The following COL25A1 variants were observed in gnomAD, a reference collection of about 807,000 sequenced individuals.
The protein encoded by COL25A1 is collagen alpha-1(XXV) chain.
A neutral mutation model predicts 128.4 loss-of-function variants in COL25A1; 103 were observed. The observed-to-expected ratio is 0.80, with a 90% CI of 0.68 to 0.94. The LOEUF is 0.94. COL25A1 is among the 40% of genes least tolerant of loss of function. COL25A1 has a pLI of 0.00. For synonymous variants in COL25A1, 279 were observed against 277.2 expected, an observed-to-expected ratio of 1.01 and a Z score of -0.06; for missense variants, 745 against 840.0, an observed-to-expected ratio of 0.89 and a Z score of 1.40.
At chr4:109,284,593 C>T (rs1330744978) in intron 3 of COL25A1, among the ~76,000 whole-genome samples, 2 of 152,102 alleles carry the variant, frequency 1.3e-5, no homozygotes, top group African/African-American at 4.8e-5. Context: ...TACCAGAAAG[C>T]CATGGGGCTC....
chr4:108,904,126 T>C (rs2125870435), intron 13 of COL25A1, among the ~76,000 whole-genome samples: 1 of 152,238 alleles, frequency 6.6e-6, no homozygotes, highest in East Asian at 1.9e-4. Flanking sequence ...TAAACCACTG[T>C]ACAAGTCTGA....
At chr4:109,114,891 A>G (rs1188281152) in intron 3 of COL25A1, among the ~76,000 whole-genome samples, 1 of 152,076 alleles carries the variant, frequency 6.6e-6, no homozygotes, top group Non-Finnish European at 1.5e-5. Flanking sequence ...TATTTAAGGC[A>G]TAAGAAAATT....
chr4:108,997,292 A>G (rs1754875839), intron 6 of COL25A1, among the ~76,000 whole-genome samples: 2 of 152,194 alleles, frequency 1.3e-5, no homozygotes, highest in African/African-American at 4.8e-5. Flanking sequence ...TAAAGGGGAT[A>G]TCACAACTGA....
At chr4:109,029,409 C>T (rs957189088) in intron 5 of COL25A1, among the ~76,000 whole-genome samples, 2 of 152,198 alleles carry the variant, frequency 1.3e-5, no homozygotes, top group African/African-American at 4.8e-5. Flanking sequence ...ACCTCACTTC[C>T]TCTCACCATG....
intron 35 of COL25A1, among the ~76,000 whole-genome samples, chr4:108,822,047 T>TTTTTTTTTTTTTTTTTTTTTTTG: frequency 1.9e-5 from 1 of 51,610 alleles, no homozygotes; most frequent in Non-Finnish European, 4.4e-5. Context: ...ATGGTAATTT[T>TTTTTTTTTTTTTTTTTTTTTTTG]TTTTTTTTTT....
intron 3 of COL25A1, among the ~76,000 whole-genome samples, chr4:109,222,251 C>G (rs568593124): frequency 1.3e-5 from 2 of 151,316 alleles, no homozygotes; most frequent in African/African-American, 4.9e-5. Flanking sequence ...TTTGGTAGAG[C>G]CGGGGTTTCA....
intron 14 of COL25A1, 111 bp downstream of exon 14, chr4:108,901,008 A>T: frequency 1.3e-6 from 1 of 768,902 alleles, no homozygotes; most frequent in Non-Finnish European, 2.2e-6. Context: ...TTCACAAAAT[A>T]CCCATGTAAG....
intron 3 of COL25A1, among the ~76,000 whole-genome samples, chr4:109,140,185 C>T (rs1770258836): frequency 6.6e-6 from 1 of 152,132 alleles, no homozygotes; most frequent in East Asian, 1.9e-4. Flanking sequence ...TGGGTATATA[C>T]CCAGTAATGG....
chr4:108,940,267 GGCT>G (rs1747923758), intron 10 of COL25A1, among the ~76,000 whole-genome samples: 1 of 152,106 alleles, frequency 6.6e-6, no homozygotes, highest in Non-Finnish European at 1.5e-5. Context: ...ACAGTTTAGT[GGCT>G]GCCTCCAGGT....
chr4:109,072,865 T>C (rs1042191332), intron 3 of COL25A1, among the ~76,000 whole-genome samples: 1 of 152,154 alleles, frequency 6.6e-6, no homozygotes, highest in East Asian at 1.9e-4. Flanking sequence ...GGGGCCCACA[T>C]AAAACTTTAT....
At chr4:109,283,561 C>T (rs947902440) in intron 3 of COL25A1, among the ~76,000 whole-genome samples, 1 of 152,148 alleles carries the variant, frequency 6.6e-6, no homozygotes, top group African/African-American at 2.4e-5. Context: ...CATCAGCTAG[C>T]AACGTGTTTT....
intron 3 of COL25A1, among the ~76,000 whole-genome samples, chr4:109,291,662 C>G (rs1330329147): frequency 5.3e-5 from 8 of 151,674 alleles, no homozygotes; most frequent in Non-Finnish European, 5.9e-5. Context: ...TAATAAAGCT[C>G]CATATGAATA....
intron 37 of COL25A1, among the ~76,000 whole-genome samples, chr4:108,814,566 A>G (rs896978698): frequency 4.6e-5 from 7 of 152,040 alleles, no homozygotes; most frequent in Non-Finnish European, 1.0e-4. Flanking sequence ...GTTTCTCACC[A>G]CAGATTTCTG....
intron 3 of COL25A1, among the ~76,000 whole-genome samples, chr4:109,216,000 C>A (rs1159709248): frequency 6.6e-6 from 1 of 152,092 alleles, no homozygotes; most frequent in Non-Finnish European, 1.5e-5. Context: ...ACTGACCATC[C>A]AGTCTGAAAT....
Position 109,301,877 on chromosome 4 carries a change from G to A in COL25A1, c.143C>T (p.Ser48Phe), listed in dbSNP as rs756056629. The A allele has an allele frequency of 2.1e-5, 34 of 1,614,096 alleles. No homozygotes were observed. Among genetic ancestry groups the A allele is most frequent in the Non-Finnish European group, 5.1e-6 (6 of 1,180,058 alleles). ...AALLSVVAVV[S>F]CLYLGVKTND... Reference sequence around the variant, plus strand: ...GGTTTTCACACCCAGGTACAGGCAAGACACCACGGCCACCACTGACAGGAG... The same window carrying A: ...GGTTTTCACACCCAGGTACAGGCAAAACACCACGGCCACCACTGACAGGAG... The change falls in exon 2 of 38, where the codon TCT (serine) becomes TTT (phenylalanine). Residue 48 changes from serine to phenylalanine, a missense_variant. By Grantham distance (155) the Ser-to-Phe change is radical (BLOSUM62 -2). This residue lies in a region of COL25A1 where 319 missense variants were observed against 324.9 expected (regional missense o/e 0.98). Coordinates refer to ENST00000399132, the MANE Select transcript of COL25A1 (RefSeq NM_198721.4).
At chr4:109,221,803 A>G (rs1043492465) in intron 3 of COL25A1, among the ~76,000 whole-genome samples, 2 of 152,120 alleles carry the variant, frequency 1.3e-5, no homozygotes, top group African/African-American at 4.8e-5. Flanking sequence ...GCATGGACTT[A>G]TGTTGATTTT....
chr4:108,864,110 T>G (rs1285548408), intron 20 of COL25A1, among the ~76,000 whole-genome samples: 1 of 152,218 alleles, frequency 6.6e-6, no homozygotes, highest in Admixed American at 6.5e-5. Context: ...TGGAGAAACT[T>G]GACTAATATG....
chr4:109,123,408 C>A (rs537117537), intron 3 of COL25A1, among the ~76,000 whole-genome samples: 4 of 151,800 alleles, frequency 2.6e-5, no homozygotes, highest in Non-Finnish European at 5.9e-5. Context: ...CTAAATGAAA[C>A]CTTATTTTAA....
intron 3 of COL25A1, among the ~76,000 whole-genome samples, chr4:109,137,193 T>C (rs755974875): frequency 1.1e-4 from 17 of 152,184 alleles, no homozygotes; most frequent in Non-Finnish European, 2.2e-4. Context: ...CCTAAAAGAA[T>C]GAGAATTTGC....
Sources: gnomAD v4.1 joint callset for allele counts (sites outside exome capture counted in the v4.1 genomes callset) on GRCh38, gnomAD v4.1.1 for gene constraint, gnomAD v4.1.1 regional missense constraint, MANE v1.5 for transcripts, NCBI Gene and HGNC (gene_info 2026-07-23, HGNC 2026-07-21) for gene names.